Variants in PCDHA11 observed in about 807,000 individuals in gnomAD.
PCDHA11 encodes the protein protocadherin alpha 11, also known as protocadherin alpha-11.
A neutral mutation model predicts 70.3 loss-of-function variants in PCDHA11; 61 were observed. The observed-to-expected ratio is 0.87, with a 90% CI of 0.71 to 1.07. The LOEUF (loss-of-function observed/expected upper bound fraction) is 1.07. Among genes scored for constraint, PCDHA11 ranks in the 50% least tolerant of loss-of-function variants. The pLI, the probability that PCDHA11 is intolerant of heterozygous loss-of-function variation, is 0.00. For missense variants in PCDHA11, 1,324 were observed against 1,237.5 expected (o/e 1.07, Z -1.05); for synonymous variants, 633 against 555.1 (o/e 1.14, Z -1.97).
intron 1 of PCDHA11, chr5:140,882,976 T>G: frequency 1.2e-6 from 2 of 1,614,220 alleles, no homozygotes; most frequent in Non-Finnish European, 1.7e-6. Flanking sequence ...TGGACGTGAA[T>G]GACAACGCCC....
chr5:140,956,852 G>A (rs931766503), intron 1 of PCDHA11, among the ~76,000 whole-genome samples: 1 of 152,062 alleles, frequency 6.6e-6, no homozygotes. Flanking sequence ...TGGGTTAAAT[G>A]GTTGAATGAA....
intron 3 of PCDHA11, among the ~76,000 whole-genome samples, chr5:140,993,102 C>T (rs979360910): frequency 2.6e-5 from 4 of 152,272 alleles, no homozygotes; most frequent in South Asian, 4.1e-4. Flanking sequence ...GTTTATTCAG[C>T]GGTCAGTGTC....
intron 1 of PCDHA11, chr5:140,966,708 C>T (rs1033433543): frequency 1.7e-5 from 23 of 1,384,632 alleles, no homozygotes; most frequent in African/African-American, 6.1e-5. Context: ...GCGTGGGGCA[C>T]GGCTGGGGAA....
At chr5:141,003,328 G>C (rs941196932) in intron 3 of PCDHA11, among the ~76,000 whole-genome samples, 1 of 152,102 alleles carries the variant, frequency 6.6e-6, no homozygotes, top group Admixed American at 6.5e-5. Flanking sequence ...AGAGGGCAGG[G>C]TTTTTTGTTT....
At chr5:140,902,861 G>A (rs782302668) in intron 1 of PCDHA11, among the ~76,000 whole-genome samples, 21 of 152,088 alleles carry the variant, frequency 1.4e-4, no homozygotes, top group Admixed American at 5.2e-4. Context: ...TGGCGTCCAG[G>A]TCCACCCAAG....
chr5:140,967,387 T>A (rs1158599127), intron 1 of PCDHA11: 4 of 1,609,114 alleles, frequency 2.5e-6, no homozygotes, highest in Non-Finnish European at 3.4e-6. Flanking sequence ...GTAAAGTGCT[T>A]GAGCTGGTGC....
At chr5:140,872,114 AG>A (rs1261193633) in intron 1 of PCDHA11, among the ~76,000 whole-genome samples, 1 of 151,936 alleles carries the variant, frequency 6.6e-6, no homozygotes, top group African/African-American at 2.4e-5. Context: ...TCCTAACTTC[AG>A]GCTTGTATCA....
At chr5:140,983,617 G>C (rs868994554) in intron 3 of PCDHA11, among the ~76,000 whole-genome samples, 1 of 152,228 alleles carries the variant, frequency 6.6e-6, no homozygotes, top group Admixed American at 6.5e-5. Context: ...GAGGCAGAGA[G>C]ATTAAGAAAT....
chr5:140,881,655 C>T (rs1336529643), intron 1 of PCDHA11, among the ~76,000 whole-genome samples: 1 of 152,120 alleles, frequency 6.6e-6, no homozygotes, highest in Non-Finnish European at 1.5e-5. Flanking sequence ...TCACCTTCAC[C>T]GATTTTATTC....
chr5:140,943,632 G>A (rs1351799858), intron 1 of PCDHA11, among the ~76,000 whole-genome samples: 1 of 152,098 alleles, frequency 6.6e-6, no homozygotes, highest in Non-Finnish European at 1.5e-5. Flanking sequence ...AAGGAAGCTG[G>A]ATTATGGATA....
chr5:140,926,793 G>T (rs2083556626), intron 1 of PCDHA11: 2 of 1,444,034 alleles, frequency 1.4e-6, no homozygotes, highest in Admixed American at 5.5e-5. Flanking sequence ...CGGCAGGAGC[G>T]TGCTCTTCCC....
chr5:140,877,511 C>T (rs1582389090), intron 1 of PCDHA11: 2 of 1,613,808 alleles, frequency 1.2e-6, no homozygotes, highest in Non-Finnish European at 1.7e-6. Context: ...AAGACGTCGT[C>T]GCGGGCCTCA....
At position 140,900,792 on chromosome 5, in the gene PCDHA11, C is replaced by T. The variant is rs373914544; in HGVS notation, c.2391+29298C>T. On this transcript the variant is annotated intron_variant, in intron 1 of 3. Transcript: ENST00000398640. ...CTTTTTGAGGAAACTCCAAACTGTT[C>T]TCCATAGTGCTTGTACTAATTTACA... 1.1e-4 allele frequency among the ~76,000 whole-genome samples: 16 copies of T among 152,298 alleles called. No individual in the cohort carries two copies. The South Asian group carries it at 1.5e-3, about 14-fold the overall frequency.
intron 1 of PCDHA11, chr5:140,968,744 G>T: frequency 6.2e-7 from 1 of 1,614,164 alleles, no homozygotes; most frequent in Non-Finnish European, 8.5e-7. Context: ...CAACCTGACC[G>T]TGGTGGTCCG....
intron 1 of PCDHA11, among the ~76,000 whole-genome samples, chr5:140,937,338 C>T (rs1554211545): frequency 1.3e-5 from 2 of 151,992 alleles, no homozygotes; most frequent in Non-Finnish European, 2.9e-5. Flanking sequence ...CGCCCGGCTT[C>T]TTCCATTTAT....
intron 1 of PCDHA11, among the ~76,000 whole-genome samples, chr5:140,974,338 A>G (rs1554235945): frequency 6.6e-6 from 1 of 152,212 alleles, no homozygotes; most frequent in Non-Finnish European, 1.5e-5. Flanking sequence ...CTAGCAGGCT[A>G]TGCATCCAGA....
rs561529051 is a variant in PCDHA11 at position 140,929,034 on chromosome 5, C to G, written c.2392-49915C>G. On this transcript the variant is annotated intron_variant, in intron 1 of 3. Transcript: ENST00000398640. ...AGTTGCACCAGAGCCCAGGCTGTTGCGCTCAGAGCTGCTGTCGCTCTACAG... is the reference window on the plus strand; with the variant it reads ...AGTTGCACCAGAGCCCAGGCTGTTGGGCTCAGAGCTGCTGTCGCTCTACAG... 2.8e-5 allele frequency: 46 copies of G among 1,614,040 alleles called. No homozygotes were observed. The South Asian group carries it at 4.8e-4, about 17-fold the overall frequency.
At chr5:140,917,327 G>T (rs1219338384) in intron 1 of PCDHA11, among the ~76,000 whole-genome samples, 1 of 149,420 alleles carries the variant, frequency 6.7e-6, no homozygotes, top group Non-Finnish European at 1.5e-5. Context: ...CATGTGGCGG[G>T]GGAGGGGGGG....
chr5:140,876,343 T>C lies in PCDHA11; in HGVS notation c.2391+4849T>C, dbSNP rs1196276310. ...AATGATTTTGCCAGTGAGTGAGAAA[T>C]GTATGTTTTCAATAAATCCAGACAC... is the stretch of plus-strand genomic sequence containing the variant. On this transcript the variant is annotated intron_variant, in intron 1 of 3. Transcript: ENST00000398640. 2 of 1,613,972 alleles carry C rather than the reference T, an allele frequency of 1.2e-6. No individual in the cohort carries two copies. The highest frequency in any genetic ancestry group is 1.1e-5 in the South Asian group (1 of 91,090).
Sources: allele counts gnomAD v4.1 joint callset (sites outside exome capture counted in the v4.1 genomes callset), GRCh38; gene constraint gnomAD v4.1.1; transcripts MANE v1.5; gene names NCBI Gene and HGNC (gene_info 2026-07-23, HGNC 2026-07-21).